The following ALKBH8 variants were observed in gnomAD, a reference collection of about 807,000 sequenced individuals.
The protein encoded by ALKBH8 is tRNA (carboxymethyluridine(34)-5-O)-methyltransferase ALKBH8.
Under a neutral mutation model 59.8 loss-of-function variants are expected in ALKBH8, and 36 were observed. The ratio of observed to expected loss-of-function variants is 0.60; its 90% CI spans 0.46 to 0.79. ALKBH8 has a LOEUF of 0.79. Ranked by LOEUF, ALKBH8 falls within the 30% of genes least tolerant of loss-of-function variation. ALKBH8 has a pLI of 0.00. For synonymous variants in ALKBH8, 276 were observed against 273.6 expected (o/e 1.01, Z -0.09); for missense variants, 768 against 801.0 (o/e 0.96, Z 0.50).
At chr11:107,537,012 G>A (rs1863844961) in intron 7 of ALKBH8, among the ~76,000 whole-genome samples, 1 of 152,206 alleles carries the variant, frequency 6.6e-6, no homozygotes, top group Admixed American at 6.5e-5. Context: ...AGGCCACCAG[G>A]TAAAGCCTTT....
Position 107,532,283 on chromosome 11 carries a change from C to T in ALKBH8, c.878+17G>A. ...GTCTCATAAAGAAAAAGAATCCTGT[C>T]ATATTTCAATACATACCCATGGGTC... On this transcript the variant is annotated intron_variant, in intron 8 of 11. Coordinates refer to ENST00000428149, the MANE Select transcript of ALKBH8 (RefSeq NM_138775.3). 6.3e-7 allele frequency: 1 copy of T among 1,597,052 alleles called. No homozygotes were observed. The highest frequency in any genetic ancestry group is 8.6e-7 in the Non-Finnish European group (1 of 1,167,630).
At chr11:107,545,832 T>G (rs1416123967) in intron 7 of ALKBH8, among the ~76,000 whole-genome samples, 1 of 152,156 alleles carries the variant, frequency 6.6e-6, no homozygotes. Flanking sequence ...TTCCCGAAAT[T>G]GATAAAAGGG....
At chr11:107,519,145 G>A (rs1862999271) in intron 10 of ALKBH8, among the ~76,000 whole-genome samples, 1 of 151,118 alleles carries the variant, frequency 6.6e-6, no homozygotes, top group South Asian at 2.1e-4. Context: ...CACTCTTATT[G>A]CCCAGGCTAG....
At chr11:107,564,398 A>G (rs142804206) in intron 1 of ALKBH8, among the ~76,000 whole-genome samples, 1 of 152,360 alleles carries the variant, frequency 6.6e-6, no homozygotes, top group East Asian at 1.9e-4. Context: ...TTACTTTTGC[A>G]CAACCTAATA....
In ALKBH8 at chr11:107,529,355, G is replaced by C. The variant is rs1863482012; in HGVS notation, c.878+2945C>G. Among the ~76,000 whole-genome samples the C allele has an allele frequency of 2.0e-5, 3 of 152,032 alleles. No individual in the cohort carries two copies. The South Asian group carries it at 6.2e-4, about 32-fold the overall frequency. ...AATCTCATGAAATAATGCTTCCTGG[G>C]GCCAGTCAGATGGCATAAATAAATG... On this transcript the variant is annotated intron_variant, in intron 8 of 11. Coordinates refer to ENST00000428149, the MANE Select transcript of ALKBH8 (RefSeq NM_138775.3).
chr11:107,552,965 T>G (rs933033619), intron 5 of ALKBH8, 143 bp downstream of exon 5: 6 of 550,560 alleles, frequency 1.1e-5, no homozygotes, highest in Non-Finnish European at 1.8e-5. Flanking sequence ...ACTATACAAT[T>G]TATCTAATTA....
In ALKBH8 at chr11:107,504,933, A is replaced by T. The variant is rs1418340926; in HGVS notation, c.1720T>A (p.Ser574Thr). Residue 574 changes from serine (S) to threonine (T), a missense_variant, in exon 12 of 12, where the codon TCT (serine) becomes ACT (threonine). Physicochemically the swap from Ser to Thr is moderately conservative, Grantham distance 58. Coordinates refer to ENST00000428149, the MANE Select transcript of ALKBH8 (RefSeq NM_138775.3). ...ACATGAACAGGCAGCTTGGAATTAG[A>T]AACTTGCCTTGAATTACATCCTCCT... ...QEGGCNSRQV[S>T]NSKLPVHVNR... 1 of 1,551,940 alleles carries T rather than the reference A, an allele frequency of 6.4e-7. No individual in the cohort carries two copies. Among genetic ancestry groups the T allele is most frequent in the Non-Finnish European group, 8.7e-7 (1 of 1,147,000 alleles).
intron 10 of ALKBH8, among the ~76,000 whole-genome samples, chr11:107,518,044 T>C (rs1565317786): frequency 6.6e-6 from 1 of 151,932 alleles, no homozygotes; most frequent in Non-Finnish European, 1.5e-5. Flanking sequence ...ATCTGTCCTG[T>C]AAAGACATTT....
chr11:107,560,247 C>G (rs17107151), intron 2 of ALKBH8, among the ~76,000 whole-genome samples: 6,575 of 152,196 alleles, frequency 0.043, 301 homozygotes, highest in East Asian at 0.21. Context: ...AATGAAAAGA[C>G]TTTGTTAATA....
chr11:107,546,182 T>C (rs1864245237), intron 7 of ALKBH8, among the ~76,000 whole-genome samples: 2 of 152,208 alleles, frequency 1.3e-5, no homozygotes, highest in Non-Finnish European at 2.9e-5. Flanking sequence ...TCAAAAGTTT[T>C]CTTCCTTATT....
intron 3 of ALKBH8, among the ~76,000 whole-genome samples, chr11:107,555,290 C>T (rs913654391): frequency 5.3e-5 from 8 of 152,040 alleles, no homozygotes; most frequent in Non-Finnish European, 1.0e-4. Flanking sequence ...ATTTGTGACA[C>T]ACTTCTGTTC....
At chr11:107,513,189 TAAAC>T (rs1862712297) in intron 10 of ALKBH8, among the ~76,000 whole-genome samples, 1 of 152,018 alleles carries the variant, frequency 6.6e-6, no homozygotes, top group Admixed American at 6.6e-5. Flanking sequence ...ATAAGGAACT[TAAAC>T]AAATTAACAT....
intron 3 of ALKBH8, among the ~76,000 whole-genome samples, chr11:107,555,712 G>A (rs1199139131): frequency 1.3e-5 from 2 of 152,076 alleles, no homozygotes; most frequent in Admixed American, 6.5e-5. Flanking sequence ...CCACTCCTAG[G>A]ATATCTAAAA....
intron 2 of ALKBH8, among the ~76,000 whole-genome samples, chr11:107,558,980 T>G (rs1864824805): frequency 6.6e-6 from 1 of 152,192 alleles, no homozygotes; most frequent in African/African-American, 2.4e-5. Flanking sequence ...CTCCCATAAT[T>G]CCCACATTTT....
chr11:107,548,186 G>A (rs1291436046), intron 7 of ALKBH8, among the ~76,000 whole-genome samples: 1 of 152,196 alleles, frequency 6.6e-6, no homozygotes, highest in East Asian at 1.9e-4. Flanking sequence ...TGGTTTGTAG[G>A]AGCTAACACA....
intron 10 of ALKBH8, among the ~76,000 whole-genome samples, chr11:107,519,212 T>C (rs1863002146): frequency 6.6e-6 from 1 of 152,116 alleles, no homozygotes; most frequent in Non-Finnish European, 1.5e-5. Flanking sequence ...CTCAAGTGAT[T>C]CTCCTGCCTC....
chr11:107,517,225 A>G (rs986775179), intron 10 of ALKBH8, among the ~76,000 whole-genome samples: 4 of 152,174 alleles, frequency 2.6e-5, no homozygotes, highest in Non-Finnish European at 1.5e-5. Context: ...TTTACCTCAC[A>G]CTTGTTAGAT....
chr11:107,512,501 T>TGGGGGGGGG (rs1010886302), intron 10 of ALKBH8, among the ~76,000 whole-genome samples: 1 of 151,992 alleles, frequency 6.6e-6, no homozygotes, highest in East Asian at 1.9e-4. Context: ...TTTGTAGAGA[T>TGGGGGGGGG]GGGGTTTCAC....
intron 10 of ALKBH8, among the ~76,000 whole-genome samples, chr11:107,515,138 G>A (rs867771662): frequency 3.3e-5 from 5 of 152,074 alleles, no homozygotes; most frequent in African/African-American, 9.7e-5. Context: ...TAGTCATGCA[G>A]TCACTATTTT....
Sources: allele counts gnomAD v4.1 joint callset (sites outside exome capture counted in the v4.1 genomes callset), GRCh38; gene constraint gnomAD v4.1.1; transcripts MANE v1.5; gene names NCBI Gene and HGNC (gene_info 2026-07-23, HGNC 2026-07-21).